The following MAN2A1 variants were observed in gnomAD, a reference collection of about 807,000 sequenced individuals.
MAN2A1 encodes the protein alpha-mannosidase 2.
Under a neutral mutation model 142.6 loss-of-function variants are expected in MAN2A1, and 76 were observed. That is an observed-to-expected ratio of 0.53 (90% confidence interval 0.44 to 0.65). The LOEUF (loss-of-function observed/expected upper bound fraction) is 0.65. Ranked by LOEUF, MAN2A1 falls within the 30% of genes least tolerant of loss-of-function variation. MAN2A1 has a pLI of 0.00. For synonymous variants in MAN2A1, 559 were observed against 473.2 expected (o/e 1.18, Z -2.35); for missense variants, 1,311 against 1,365.1 (o/e 0.96, Z 0.62).
intron 20 of MAN2A1, among the ~76,000 whole-genome samples, chr5:109,856,535 T>A (rs2007136): frequency 0.66 from 100,956 of 152,034 alleles, 34,018 homozygotes; most frequent in East Asian, 0.89. Flanking sequence ...GTCTTTAGAC[T>A]AGAAAAGGCA....
intron 17 of MAN2A1, 82 bp downstream of exon 17, chr5:109,842,543 G>T (rs948598310): frequency 1.9e-5 from 17 of 877,066 alleles, no homozygotes; most frequent in Middle Eastern, 3.9e-4. Context: ...GTTAATTTTG[G>T]ATCCTTTGAA....
intron 3 of MAN2A1, among the ~76,000 whole-genome samples, chr5:109,726,523 T>A (rs1200350579): frequency 2.0e-5 from 3 of 152,180 alleles, no homozygotes; most frequent in Non-Finnish European, 4.4e-5. Flanking sequence ...GAGCTTGTAT[T>A]TTGGCTCATG....
At chr5:109,788,595 A>G (rs1319435603) in intron 10 of MAN2A1, among the ~76,000 whole-genome samples, 4 of 151,816 alleles carry the variant, frequency 2.6e-5, no homozygotes, top group Non-Finnish European at 5.9e-5. Context: ...GTAGCAAATC[A>G]TTGTTTTTTT....
rs984560589 is a variant in MAN2A1 at position 109,786,765 on chromosome 5, T to G, written c.1760+1839T>G. ...GACTGATGACTACTATTCATTCAAATTTGGCAGAAATATCACTGTGAACAA... is the reference window on the plus strand; with the variant it reads ...GACTGATGACTACTATTCATTCAAAGTTGGCAGAAATATCACTGTGAACAA... On this transcript the variant is annotated intron_variant, in intron 10 of 21. Coordinates refer to ENST00000261483, the MANE Select transcript of MAN2A1 (RefSeq NM_002372.4). Among the ~76,000 whole-genome samples the G allele has an allele frequency of 1.3e-5, 2 of 152,038 alleles. 1 individual carries two copies. The highest frequency in any genetic ancestry group is 4.8e-5 in the African/African-American group (2 of 41,428).
At chr5:109,733,356 C>T (rs1172340254) in intron 4 of MAN2A1, among the ~76,000 whole-genome samples, 1 of 152,138 alleles carries the variant, frequency 6.6e-6, no homozygotes, top group East Asian at 1.9e-4. Context: ...CCCTTTATTT[C>T]CTTCTCCTGC....
intron 3 of MAN2A1, among the ~76,000 whole-genome samples, chr5:109,721,776 T>TA (rs1190782021): frequency 2.0e-5 from 3 of 152,240 alleles, no homozygotes; most frequent in African/African-American, 7.2e-5. Flanking sequence ...GATCATTAAA[T>TA]AGCTCTTCTT....
At position 109,739,575 on chromosome 5, in the gene MAN2A1, T is replaced by C. The variant is rs79448122; in HGVS notation, c.707+10062T>C. ...GTATTTGGTTCTAACTTTACTTCTGTGCTTTTTGTATTGTTGTCCGTAAGT... is the reference window on the plus strand; with the variant it reads ...GTATTTGGTTCTAACTTTACTTCTGCGCTTTTTGTATTGTTGTCCGTAAGT... On this transcript the variant is annotated intron_variant, in intron 4 of 21. Transcript: ENST00000261483. Among the ~76,000 whole-genome samples the C allele has an allele frequency of 6.5e-3, 984 of 152,344 alleles. 7 individuals are homozygous for C. Among genetic ancestry groups the C allele is most frequent in the Non-Finnish European group, 0.012 (794 of 68,026 alleles).
At chr5:109,706,654 T>C (rs1302982835) in intron 1 of MAN2A1, among the ~76,000 whole-genome samples, 1 of 152,114 alleles carries the variant, frequency 6.6e-6, no homozygotes, top group Non-Finnish European at 1.5e-5. Flanking sequence ...TAATCTTTGC[T>C]CTTACATGGT....
chr5:109,722,020 G>A (rs1751616534), intron 3 of MAN2A1, among the ~76,000 whole-genome samples: 1 of 152,214 alleles, frequency 6.6e-6, no homozygotes, highest in Admixed American at 6.5e-5. Flanking sequence ...GAGCATAAGT[G>A]ATCTGTTCAT....
At chr5:109,757,975 G>T (rs897934602) in intron 5 of MAN2A1, among the ~76,000 whole-genome samples, 1 of 151,954 alleles carries the variant, frequency 6.6e-6, no homozygotes, top group Non-Finnish European at 1.5e-5. Flanking sequence ...TTTTGCTTTT[G>T]GCTGCTGTGA....
At chr5:109,820,427 T>C (rs1442993128) in intron 15 of MAN2A1, 85 bp downstream of exon 15, 2 of 1,309,422 alleles carry the variant, frequency 1.5e-6, no homozygotes, top group Non-Finnish European at 2.1e-6. Flanking sequence ...GTCATTATTT[T>C]ATCATCTGTT....
At chr5:109,830,456 C>T (rs942417629) in intron 16 of MAN2A1, among the ~76,000 whole-genome samples, 1 of 152,206 alleles carries the variant, frequency 6.6e-6, no homozygotes. Context: ...TTGGTCTTAG[C>T]CAAAAGGCCA....
chr5:109,711,409 T>C (rs1252553049), intron 1 of MAN2A1, among the ~76,000 whole-genome samples: 2 of 150,502 alleles, frequency 1.3e-5, no homozygotes, highest in Non-Finnish European at 2.9e-5. Context: ...CAGCCTTTGA[T>C]AGCATATGTA....
chr5:109,857,957 T>C (rs1755665383), intron 20 of MAN2A1, among the ~76,000 whole-genome samples: 1 of 152,174 alleles, frequency 6.6e-6, no homozygotes, highest in Non-Finnish European at 1.5e-5. Flanking sequence ...GGTCTTTTGC[T>C]AAAAACAGAC....
chr5:109,826,963 T>C (rs900236857), intron 16 of MAN2A1, among the ~76,000 whole-genome samples: 3 of 152,240 alleles, frequency 2.0e-5, no homozygotes, highest in Non-Finnish European at 4.4e-5. Context: ...CTGTTGTAGA[T>C]TGGCTTTTAG....
chr5:109,843,519 A>G (rs1029575989), intron 17 of MAN2A1, among the ~76,000 whole-genome samples: 2 of 152,164 alleles, frequency 1.3e-5, no homozygotes, highest in South Asian at 2.1e-4. Context: ...TGTTCCCTAT[A>G]TATTGGTTTA....
At chr5:109,809,184 A>G (rs1402852720) in intron 12 of MAN2A1, among the ~76,000 whole-genome samples, 1 of 152,156 alleles carries the variant, frequency 6.6e-6, no homozygotes, top group African/African-American at 2.4e-5. Flanking sequence ...TAAGTCATCA[A>G]GTTATTTTTC....
intron 12 of MAN2A1, among the ~76,000 whole-genome samples, chr5:109,808,294 G>A (rs190016800): frequency 1.3e-5 from 2 of 152,228 alleles, no homozygotes; most frequent in East Asian, 3.9e-4. Flanking sequence ...GTAACTTCCT[G>A]TAGAATAGTG....
chr5:109,754,856 C>A (rs559169979), intron 4 of MAN2A1, among the ~76,000 whole-genome samples: 1 of 152,188 alleles, frequency 6.6e-6, no homozygotes, highest in Non-Finnish European at 1.5e-5. Flanking sequence ...ACAAAATTAG[C>A]CAGGCATGGT....
Sources: allele counts gnomAD v4.1 joint callset (sites outside exome capture counted in the v4.1 genomes callset), GRCh38; gene constraint gnomAD v4.1.1; transcripts MANE v1.5; gene names NCBI Gene and HGNC (gene_info 2026-07-23, HGNC 2026-07-21).